SCAMP1: variants seen among roughly 807,000 people sequenced by gnomAD.
SCAMP1 encodes the protein secretory carrier-associated membrane protein 1.
SCAMP1 carries 15 observed loss-of-function variants against 41.8 expected under a neutral mutation model. That is an observed-to-expected ratio of 0.36 (90% CI 0.24 to 0.55). The LOEUF is 0.55. Among genes scored for constraint, SCAMP1 ranks in the 20% least tolerant of loss-of-function variants. SCAMP1 has a pLI of 0.86. For synonymous variants in SCAMP1, 135 were observed against 136.8 expected, an observed-to-expected ratio of 0.99 and a Z score of 0.09; for missense variants, 341 against 412.6, an observed-to-expected ratio of 0.83 and a Z score of 1.50.
chr5:78,465,842 T>C (rs1002156420), intron 8 of SCAMP1, among the ~76,000 whole-genome samples: 2 of 152,168 alleles, frequency 1.3e-5, no homozygotes, highest in African/African-American at 4.8e-5. Context: ...ACAAGTGGGA[T>C]TTCTTCTTCC....
intron 1 of SCAMP1, among the ~76,000 whole-genome samples, chr5:78,372,813 T>C (rs1044062832): frequency 6.6e-6 from 1 of 152,156 alleles, no homozygotes; most frequent in African/African-American, 2.4e-5. Context: ...AATCAGAGCC[T>C]GCTTTAGAAA....
At chr5:78,466,909 C>T (rs1301329475) in intron 8 of SCAMP1, among the ~76,000 whole-genome samples, 3 of 152,052 alleles carry the variant, frequency 2.0e-5, no homozygotes, top group African/African-American at 7.3e-5. Context: ...AGAAAACGAG[C>T]AGGTAAGGAT....
chr5:78,361,408 C>G (rs73128332), intron 1 of SCAMP1, among the ~76,000 whole-genome samples: 5,239 of 152,240 alleles, frequency 0.034, 324 homozygotes, highest in African/African-American at 0.12. Flanking sequence ...GACCTCTTCC[C>G]TACCCAGCTG....
chr5:78,429,794 G>A (rs773903790), intron 6 of SCAMP1, among the ~76,000 whole-genome samples: 3 of 151,856 alleles, frequency 2.0e-5, no homozygotes, highest in African/African-American at 4.8e-5. Context: ...TTTGAGAAGC[G>A]GATTTGTTGA....
intron 1 of SCAMP1, among the ~76,000 whole-genome samples, chr5:78,376,619 A>G (rs1751071305): frequency 6.6e-6 from 1 of 152,224 alleles, no homozygotes; most frequent in Non-Finnish European, 1.5e-5. Context: ...AAAAATTTCA[A>G]AGGCCTCAAA....
intron 7 of SCAMP1, among the ~76,000 whole-genome samples, chr5:78,452,381 T>A (rs1005581315): frequency 3.1e-5 from 4 of 130,594 alleles, no homozygotes; most frequent in African/African-American, 1.2e-4. Flanking sequence ...ATATTCCCCT[T>A]CCTGTGTCCA....
At chr5:78,468,897 T>TA (rs908447942) in intron 8 of SCAMP1, among the ~76,000 whole-genome samples, 6 of 152,140 alleles carry the variant, frequency 3.9e-5, no homozygotes, top group African/African-American at 1.4e-4. Context: ...AAGTGACTCT[T>TA]ACAGTTATCC....
At chr5:78,397,308 A>C (rs1054603977) in intron 2 of SCAMP1, among the ~76,000 whole-genome samples, 1 of 151,938 alleles carries the variant, frequency 6.6e-6, no homozygotes, top group African/African-American at 2.4e-5. Context: ...TTGGACTCCT[A>C]CCTCATCCCA....
rs543354182 is a variant in SCAMP1, at chr5:78,457,501, G to T, written c.735-1744G>T. ...TGCCTCCCAGTTAGGCTGCTCGGGG[G>T]TCAGGGGTCAGGGACCCAGTTGAGG... On this transcript the variant is annotated intron_variant, in intron 7 of 8. Coordinates refer to ENST00000621999, the MANE Select transcript of SCAMP1 (RefSeq NM_004866.6). Among the ~76,000 whole-genome samples the T allele has an allele frequency of 2.0e-3, 308 of 152,272 alleles. 2 individuals are homozygous for T. Among genetic ancestry groups the T allele is most frequent in the African/African-American group, 6.9e-3 (286 of 41,552 alleles).
chr5:78,446,256 T>G (rs967896022), intron 6 of SCAMP1, among the ~76,000 whole-genome samples: 2 of 152,190 alleles, frequency 1.3e-5, no homozygotes, highest in African/African-American at 4.8e-5. Flanking sequence ...AGTTTTTGAG[T>G]AGGACTTCTT....
At chr5:78,394,442 C>CA (rs1354511309) in intron 2 of SCAMP1, among the ~76,000 whole-genome samples, 3 of 152,132 alleles carry the variant, frequency 2.0e-5, no homozygotes, top group Non-Finnish European at 1.5e-5. Flanking sequence ...AGGCTGGTCT[C>CA]AAACTCCTGG....
intron 6 of SCAMP1, among the ~76,000 whole-genome samples, chr5:78,444,003 G>C (rs3952231): frequency 0.5 from 75,976 of 151,764 alleles, 19,367 homozygotes; most frequent in Non-Finnish European, 0.54. Flanking sequence ...TAGAATTTTC[G>C]AATCTTCTTC....
intron 2 of SCAMP1, among the ~76,000 whole-genome samples, chr5:78,408,386 T>TG (rs1751986497): frequency 6.6e-6 from 1 of 152,144 alleles, no homozygotes; most frequent in South Asian, 2.1e-4. Context: ...GTGGGAATTA[T>TG]GGGAGCTGCA....
chr5:78,428,842 G>C (rs539604667), intron 6 of SCAMP1, among the ~76,000 whole-genome samples: 16 of 152,100 alleles, frequency 1.1e-4, no homozygotes, highest in African/African-American at 3.1e-4. Flanking sequence ...TGTTAAATTT[G>C]TTACTAAGTA....
chr5:78,462,331 CT>C (rs761950184), intron 8 of SCAMP1, among the ~76,000 whole-genome samples: 2 of 151,658 alleles, frequency 1.3e-5, no homozygotes, highest in East Asian at 3.9e-4. Flanking sequence ...TATCTTGAAA[CT>C]TTTTGTTGGT....
intron 1 of SCAMP1, 160 bp downstream of exon 1, chr5:78,360,888 C>G (rs914637867): frequency 1.6e-5 from 11 of 671,264 alleles, no homozygotes; most frequent in Non-Finnish European, 2.5e-5. Flanking sequence ...CGCCCCGGCC[C>G]CGTGTCACTC....
chr5:78,369,398 T>C (rs6894950), intron 1 of SCAMP1, among the ~76,000 whole-genome samples: 143,961 of 152,240 alleles, frequency 0.95, 68,274 homozygotes, highest in Non-Finnish European at 0.97. Context: ...TGAGTCATCG[T>C]GCCCGGCCAG....
At chr5:78,405,851 A>G (rs1449278134) in intron 2 of SCAMP1, among the ~76,000 whole-genome samples, 1 of 152,156 alleles carries the variant, frequency 6.6e-6, no homozygotes, top group East Asian at 1.9e-4. Flanking sequence ...CCTATTACAC[A>G]CGTCCTTCCC....
intron 8 of SCAMP1, among the ~76,000 whole-genome samples, chr5:78,461,417 T>C (rs753353253): frequency 6.6e-6 from 1 of 152,230 alleles, no homozygotes; most frequent in Non-Finnish European, 1.5e-5. Flanking sequence ...CCCAGCACCA[T>C]TTATTGAATA....
Sources: gnomAD v4.1 joint callset for allele counts (sites outside exome capture counted in the v4.1 genomes callset) on GRCh38, gnomAD v4.1.1 for gene constraint, MANE v1.5 for transcripts, NCBI Gene and HGNC (gene_info 2026-07-23, HGNC 2026-07-21) for gene names.